FBN2: variants seen among roughly 807,000 people sequenced by gnomAD.
FBN2 encodes fibrillin-2.
FBN2 carries 105 observed loss-of-function variants against 355.6 expected under a neutral mutation model. That is an observed-to-expected ratio of 0.30 (90% CI 0.25 to 0.35). FBN2 has a LOEUF of 0.35. Ranked by LOEUF, FBN2 falls within the 10% of genes least tolerant of loss-of-function variation. The pLI, the probability that FBN2 is intolerant of heterozygous loss-of-function variation, is 1.00. For missense variants in FBN2, 3,280 were observed against 3,758.7 expected (o/e 0.87, Z 3.33); for synonymous variants, 1,350 against 1,301.2 (o/e 1.04, Z -0.81).
intron 62 of FBN2, among the ~76,000 whole-genome samples, chr5:128,269,341 G>A (rs1267106681): frequency 1.3e-5 from 2 of 150,078 alleles, no homozygotes; most frequent in Non-Finnish European, 3.0e-5. Context: ...GGTGGCAGGC[G>A]CCTGTAATCC....
At chr5:128,438,414 T>C (rs908771868) in intron 7 of FBN2, among the ~76,000 whole-genome samples, 3 of 152,268 alleles carry the variant, frequency 2.0e-5, no homozygotes, top group South Asian at 4.1e-4. Context: ...TCACTAAATA[T>C]ATTTTAATGA....
chr5:128,313,048 C>T (rs749666759), intron 36 of FBN2, among the ~76,000 whole-genome samples: 11 of 152,216 alleles, frequency 7.2e-5, no homozygotes, highest in Non-Finnish European at 1.3e-4. Context: ...ATGGAATGGA[C>T]AAGATAGTAA....
intron 5 of FBN2, among the ~76,000 whole-genome samples, chr5:128,480,918 G>T (rs1434986022): frequency 6.6e-6 from 1 of 151,910 alleles, no homozygotes; most frequent in East Asian, 1.9e-4. Flanking sequence ...CCTCACTGTG[G>T]CTTTGATCCT....
intron 62 of FBN2, among the ~76,000 whole-genome samples, chr5:128,264,534 C>CT (rs1765067742): frequency 6.6e-6 from 1 of 152,168 alleles, no homozygotes; most frequent in South Asian, 2.1e-4. Flanking sequence ...AAATCAAAGT[C>CT]TGATTATGCT....
At chr5:128,470,068 T>G (rs1754815577) in intron 5 of FBN2, among the ~76,000 whole-genome samples, 1 of 152,102 alleles carries the variant, frequency 6.6e-6, no homozygotes, top group Non-Finnish European at 1.5e-5. Context: ...TAGGATACAG[T>G]CCTGAGGAAT....
intron 48 of FBN2, among the ~76,000 whole-genome samples, chr5:128,292,633 C>A (rs1749358746): frequency 6.6e-6 from 1 of 152,172 alleles, no homozygotes; most frequent in African/African-American, 2.4e-5. Context: ...AAAACAAACA[C>A]AACAACTCCT....
intron 7 of FBN2, among the ~76,000 whole-genome samples, chr5:128,427,925 G>A (rs1402220479): frequency 6.6e-6 from 1 of 152,160 alleles, no homozygotes; most frequent in Non-Finnish European, 1.5e-5. Context: ...AAACATTCCT[G>A]ATAACTTTTC....
chr5:128,411,510 T>C (rs1753061387), intron 7 of FBN2, among the ~76,000 whole-genome samples: 1 of 152,138 alleles, frequency 6.6e-6, no homozygotes, highest in Non-Finnish European at 1.5e-5. Context: ...TCTCTGACCG[T>C]CCCCAGCTGA....
intron 7 of FBN2, among the ~76,000 whole-genome samples, chr5:128,412,901 AG>A (rs1263320005): frequency 6.6e-6 from 1 of 152,224 alleles, no homozygotes; most frequent in Non-Finnish European, 1.5e-5. Flanking sequence ...CTTTATGATG[AG>A]GAAGGGAACA....
intron 7 of FBN2, among the ~76,000 whole-genome samples, chr5:128,436,905 C>T (rs1753781909): frequency 1.3e-5 from 2 of 152,100 alleles, no homozygotes; most frequent in African/African-American, 2.4e-5. Context: ...AGATCACTCA[C>T]CCTAACTGCG....
intron 18 of FBN2, among the ~76,000 whole-genome samples, chr5:128,362,523 C>T (rs153995): frequency 1.1e-3 from 160 of 152,192 alleles, no homozygotes; most frequent in African/African-American, 3.7e-3. Context: ...TGCACTGGTG[C>T]GATCACAGCT....
rs1436430760 is a variant in FBN2, at chr5:128,338,083, C to A, written c.3512G>T (p.Gly1171Val). 2 of 1,614,040 alleles carry A rather than the reference C, an allele frequency of 1.2e-6. No individual in the cohort carries two copies. Among genetic ancestry groups the A allele is most frequent in the East Asian group, 2.2e-5 (1 of 44,884 alleles). The change falls in exon 27 of 65, where the codon GGT (glycine) becomes GTT (valine). Residue 1171 changes from glycine (G) to valine (V), a missense_variant. By Grantham distance (109) the Gly-to-Val change is moderately radical (BLOSUM62 -3). Transcript: ENST00000262464. ...ECERNPLLCR[G>V]GTCVNTEGSF... ...GCCCTCAGTGTTCACACAGGTGCCA[C>A]CCCTACAAAGGAGAGGGTTACGTTC...
At chr5:128,319,261 TAAA>T (rs1040973105) in intron 34 of FBN2, among the ~76,000 whole-genome samples, 2 of 151,966 alleles carry the variant, frequency 1.3e-5, no homozygotes, top group African/African-American at 2.4e-5. Context: ...ATGATATACT[TAAA>T]GAAGAGTTGG....
At chr5:128,390,051 G>A (rs1752470281) in intron 11 of FBN2, among the ~76,000 whole-genome samples, 1 of 151,886 alleles carries the variant, frequency 6.6e-6, no homozygotes, top group East Asian at 1.9e-4. Flanking sequence ...ATCCTTCACA[G>A]ACACTAATGT....
chr5:128,306,055 T>C, intron 42 of FBN2, 107 bp from the exon 43 acceptor site: 1 of 1,167,122 alleles, frequency 8.6e-7, no homozygotes, highest in South Asian at 1.2e-5. Flanking sequence ...AAATATTCAG[T>C]GTCACAAAAA....
intron 5 of FBN2, among the ~76,000 whole-genome samples, chr5:128,484,844 C>T (rs58143160): frequency 0.11 from 15,999 of 152,092 alleles, 1,006 homozygotes; most frequent in African/African-American, 0.18. Flanking sequence ...TTGTGCACTC[C>T]GTAGCCCAAC....
At chr5:128,408,067 G>A (rs771475976) in intron 8 of FBN2, among the ~76,000 whole-genome samples, 1 of 152,128 alleles carries the variant, frequency 6.6e-6, no homozygotes, top group Admixed American at 6.6e-5. Flanking sequence ...TAAAAGCTCA[G>A]GAAGGGAAAT....
chr5:128,384,069 G>C (rs950177585), intron 11 of FBN2, among the ~76,000 whole-genome samples: 13 of 152,052 alleles, frequency 8.5e-5, no homozygotes, highest in African/African-American at 2.9e-4. Flanking sequence ...TAAATAAACT[G>C]TGCTATATCC....
At chr5:128,537,329 C>A in intron 1 of FBN2, 21 bp downstream of exon 1, 1 of 1,608,614 alleles carries the variant, frequency 6.2e-7, no homozygotes, top group East Asian at 2.2e-5. Context: ...GCCCTAGGTG[C>A]GGAGCCGCTT....
Sources: allele counts gnomAD v4.1 joint callset (sites outside exome capture counted in the v4.1 genomes callset), GRCh38; gene constraint gnomAD v4.1.1; transcripts MANE v1.5; gene names NCBI Gene and HGNC (gene_info 2026-07-23, HGNC 2026-07-21).